Variants in PKP1 observed in about 807,000 individuals in gnomAD.
PKP1 encodes plakophilin 1.
In PKP1, 27 loss-of-function variants were observed where a neutral mutation model predicts 76.4. That is an observed-to-expected ratio of 0.35 (90% CI 0.26 to 0.49). The LOEUF (loss-of-function observed/expected upper bound fraction) is 0.49. Among genes scored for constraint, PKP1 ranks in the 20% least tolerant of loss-of-function variants. The pLI, the probability that PKP1 is intolerant of heterozygous loss-of-function variation, is 0.99. For synonymous variants in PKP1, 404 were observed against 384.2 expected (o/e 1.05, Z -0.60); for missense variants, 964 against 955.2 (o/e 1.01, Z -0.12).
chr1:201,327,802 A>T (rs562682659), intron 12 of PKP1, among the ~76,000 whole-genome samples: 199 of 152,076 alleles, frequency 1.3e-3, no homozygotes, highest in African/African-American at 4.7e-3. Context: ...TCCATCATGC[A>T]TTGAGTTGTC....
chr1:201,308,029 C>T (rs763972226), intron 2 of PKP1, among the ~76,000 whole-genome samples: 31 of 152,170 alleles, frequency 2.0e-4, no homozygotes, highest in Admixed American at 1.2e-3. Flanking sequence ...TAGCTGGGGA[C>T]ACAGACACTC....
chr1:201,304,721 G>A (rs1656326473), intron 2 of PKP1, among the ~76,000 whole-genome samples: 1 of 152,204 alleles, frequency 6.6e-6, no homozygotes, highest in South Asian at 2.1e-4. Context: ...TAGCTATAGA[G>A]ACTCTTTGCC....
chr1:201,316,380 A>C (rs760544679), intron 3 of PKP1, 173 bp from the exon 4 acceptor site: 89 of 638,454 alleles, frequency 1.4e-4, no homozygotes, highest in Non-Finnish European at 3.6e-5. Context: ...CCTCCTCTGG[A>C]GGAGAGGAGC....
chr1:201,325,695 G>C, intron 11 of PKP1, 59 bp from the exon 12 acceptor site: 1 of 1,287,208 alleles, frequency 7.8e-7, no homozygotes, highest in Non-Finnish European at 1.1e-6. Flanking sequence ...AGGGAAGAGG[G>C]TGCTCCTTCT....
chr1:201,316,289 G>C lies in PKP1; in HGVS notation c.702-264G>C, dbSNP rs187658822. The C allele has an allele frequency of 2.1e-5, 10 of 478,314 alleles. No homozygotes were observed. In the East Asian group the frequency reaches 3.4e-4, roughly 16 times the overall value. 29.6% of individuals were successfully genotyped at this position (478,314 alleles called of 1,614,324 possible). ...GGGAGGAGTTTTTCCTCAGTGGAGAGATAACATACCTGCTAGGACATTAAC... is the reference window on the plus strand; with the variant it reads ...GGGAGGAGTTTTTCCTCAGTGGAGACATAACATACCTGCTAGGACATTAAC... On this transcript the variant is annotated intron_variant, in intron 3 of 13. Coordinates refer to ENST00000367324, the MANE Select transcript of PKP1 (RefSeq NM_001005337.3).
chr1:201,301,189 G>C (rs1366840249), intron 2 of PKP1, among the ~76,000 whole-genome samples: 8 of 152,336 alleles, frequency 5.3e-5, no homozygotes, highest in African/African-American at 1.9e-4. Flanking sequence ...CCTTGTAGAG[G>C]AATGGAGAGG....
intron 6 of PKP1, 124 bp downstream of exon 6, chr1:201,318,919 T>C: frequency 2.4e-6 from 2 of 839,744 alleles, no homozygotes; most frequent in Middle Eastern, 3.3e-4. Flanking sequence ...CTCCCTCTTA[T>C]GGGCAGGCTC....
intron 2 of PKP1, among the ~76,000 whole-genome samples, chr1:201,310,696 G>A (rs1271053003): frequency 1.3e-5 from 2 of 152,216 alleles, no homozygotes; most frequent in Non-Finnish European, 2.9e-5. Flanking sequence ...ATGGGAGAGA[G>A]TCATACCCAG....
At chr1:201,300,471 A>T (rs932140032) in intron 2 of PKP1, among the ~76,000 whole-genome samples, 3 of 152,206 alleles carry the variant, frequency 2.0e-5, no homozygotes, top group Admixed American at 1.3e-4. Flanking sequence ...CCTCCATGGC[A>T]GGTGAGTTGA....
chr1:201,325,255 G>A lies in PKP1; in HGVS notation c.2021+128G>A, dbSNP rs368661188. 35 of 961,030 alleles carry A rather than the reference G, an allele frequency of 3.6e-5. 1 individual carries two copies. The highest frequency in any genetic ancestry group is 1.1e-4 in the South Asian group (8 of 71,364). The allele number at this position is 961,030 out of a possible 1,614,324, so 59.5% of individuals were successfully genotyped here. On this transcript the variant is annotated intron_variant, in intron 11 of 13. Coordinates refer to ENST00000367324, the MANE Select transcript of PKP1 (RefSeq NM_001005337.3). ...ACCAAGGGCAGGGGGAGCCAGGGACGGGGGAGGCTTGAATGGAGGAGAAGT... is the reference window on the plus strand; with the variant it reads ...ACCAAGGGCAGGGGGAGCCAGGGACAGGGGAGGCTTGAATGGAGGAGAAGT...
intron 3 of PKP1, 73 bp from the exon 4 acceptor site, chr1:201,316,480 G>A (rs928451953): frequency 1.4e-6 from 2 of 1,476,380 alleles, no homozygotes; most frequent in South Asian, 2.5e-5. Flanking sequence ...TAGTGTGCTG[G>A]GAGGAATTCT....
rs191802519 is a variant in PKP1, at chr1:201,298,462, G to A, written c.306+4417G>A. ...TTTTAAATCAAGAAGTGCACCCTGA[G>A]CACTTCTTCTGGGAGTCCTACCAAG... On this transcript the variant is annotated intron_variant, in intron 2 of 13. Transcript: ENST00000367324. 2.0e-5 allele frequency among the ~76,000 whole-genome samples: 3 copies of A among 152,328 alleles called. No homozygotes were observed. The East Asian group carries it at 5.8e-4, about 29-fold the overall frequency.
At chr1:201,326,121 A>T (rs1657120934) in intron 12 of PKP1, among the ~76,000 whole-genome samples, 1 of 152,182 alleles carries the variant, frequency 6.6e-6, no homozygotes, top group Non-Finnish European at 1.5e-5. Context: ...AAACTGAAAA[A>T]CAGAGTGGAC....
Position 201,316,574 on chromosome 1 carries a change from G to C in PKP1, c.723G>C (p.Glu241Asp), listed in dbSNP as rs753766542. The change falls in exon 4 of 14, where the codon GAG becomes GAC. Residue 241 changes from glutamate to aspartate, a missense_variant. By Grantham distance (45) the Glu-to-Asp change is conservative. Coordinates refer to ENST00000367324, the MANE Select transcript of PKP1 (RefSeq NM_001005337.3). ...ACAGGATCTGCAGTGAGGACATCGA[G>C]TGCAGTGGGCTGACCATCCCCAAGG... ...ASSKICSEDI[E>D]CSGLTIPKAV... 3.1e-6 allele frequency: 5 copies of C among 1,610,368 alleles called. No individual in the cohort carries two copies. Among genetic ancestry groups the C allele is most frequent in the Non-Finnish European group, 4.2e-6 (5 of 1,178,338 alleles).
At chr1:201,284,509 C>A (rs1012509364) in intron 1 of PKP1, among the ~76,000 whole-genome samples, 2 of 152,166 alleles carry the variant, frequency 1.3e-5, no homozygotes, top group Non-Finnish European at 2.9e-5. Flanking sequence ...TCAGGAGAGG[C>A]GCTGCGGGAC....
chr1:201,288,536 A>G (rs1655806028), intron 1 of PKP1, among the ~76,000 whole-genome samples: 2 of 152,178 alleles, frequency 1.3e-5, no homozygotes, highest in African/African-American at 4.8e-5. Flanking sequence ...ATGTGTAGCC[A>G]AGTTGGAGAA....
At position 201,283,657 on chromosome 1, in the gene PKP1, T is replaced by C; in HGVS notation, c.-46T>C. ...GCTGCACCGCACCTCGCCTCGCCTC[T>C]CTGCTCTCCTAGGCCCCGGCCGCGC... On this transcript the variant is annotated 5_prime_UTR_variant, in exon 1 of 14. Coordinates refer to ENST00000367324, the MANE Select transcript of PKP1 (RefSeq NM_001005337.3). The C allele has an allele frequency of 2.6e-6, 4 of 1,549,542 alleles. No homozygotes were observed. The highest frequency in any genetic ancestry group is 3.5e-6 in the Non-Finnish European group (4 of 1,129,334).
chr1:201,310,516 G>C (rs1656516012), intron 2 of PKP1, among the ~76,000 whole-genome samples: 1 of 152,200 alleles, frequency 6.6e-6, no homozygotes, highest in East Asian at 1.9e-4. Flanking sequence ...AGCCTTCAAG[G>C]CTGCAGGCTT....
intron 2 of PKP1, among the ~76,000 whole-genome samples, chr1:201,297,034 G>T (rs1656099091): frequency 6.6e-6 from 1 of 152,036 alleles, no homozygotes; most frequent in African/African-American, 2.4e-5. Context: ...AAAAAGCAAT[G>T]GTCGTACCTT....
Sources: allele counts gnomAD v4.1 joint callset (sites outside exome capture counted in the v4.1 genomes callset), GRCh38; gene constraint gnomAD v4.1.1; transcripts MANE v1.5; gene names NCBI Gene and HGNC (gene_info 2026-07-23, HGNC 2026-07-21).